Variants in PTPDC1 observed in about 807,000 individuals in gnomAD.
PTPDC1 encodes the protein protein tyrosine phosphatase domain containing 1.
A neutral mutation model predicts 75.3 loss-of-function variants in PTPDC1; 53 were observed. The ratio of observed to expected loss-of-function variants is 0.70; its 90% CI spans 0.56 to 0.88. PTPDC1 has a LOEUF of 0.88. PTPDC1 is among the 40% of genes least tolerant of loss of function. The pLI is 0.00. For synonymous variants in PTPDC1, 349 were observed against 366.2 expected, an observed-to-expected ratio of 0.95 and a Z score of 0.54; for missense variants, 925 against 998.6, an observed-to-expected ratio of 0.93 and a Z score of 0.99.
intron 2 of PTPDC1, 21 bp from the exon 3 acceptor site, chr9:94,087,810 A>G (rs761688197): frequency 6.3e-7 from 1 of 1,584,922 alleles, no homozygotes. Flanking sequence ...ACATCTCACC[A>G]GTCCCTCCAC....
At position 94,084,579 on chromosome 9, in the gene PTPDC1, A is replaced by G. The variant is rs1404458254; in HGVS notation, c.49A>G (p.Ser17Gly). The G allele has an allele frequency of 5.6e-6, 9 of 1,613,564 alleles. No homozygotes were observed. In the East Asian group the frequency reaches 1.8e-4, roughly 32 times the overall value. The change falls in exon 1 of 9, where the codon AGC (serine) becomes GGC (glycine). Residue 17 changes from serine (S) to glycine (G), a missense_variant. Coordinates refer to ENST00000620992, the MANE Select transcript of PTPDC1 (RefSeq NM_001253829.2). ...GCGGCCCTCAGCCGTGCGCTTCCTC[A>G]GCTCCTTTCTCCAGGGCCGCCGGCA... ...TRRPSAVRFL[S>G]SFLQGRRHST...
chr9:94,096,204 G>A (rs997077811), intron 5 of PTPDC1, among the ~76,000 whole-genome samples: 1 of 152,178 alleles, frequency 6.6e-6, no homozygotes, highest in African/African-American at 2.4e-5. Flanking sequence ...AGCTCTGTCC[G>A]CAGTGTACCT....
chr9:94,084,384 T>TG, upstream of PTPDC1: 1 of 1,330,272 alleles, frequency 7.5e-7, no homozygotes, highest in Non-Finnish European at 1.0e-6. Flanking sequence ...AGTAGTTTCT[T>TG]TGTTTGTCGC....
chr9:94,040,134 C>A (rs1453192540), intron 1 of PTPDC1, among the ~76,000 whole-genome samples: 2 of 152,146 alleles, frequency 1.3e-5, no homozygotes, highest in African/African-American at 4.8e-5. Context: ...AAGGAGACTT[C>A]TTTACCATGC....
At chr9:94,100,186 G>C (rs536000967) in intron 6 of PTPDC1, 1 of 152,282 alleles carries the variant, frequency 6.6e-6, no homozygotes, top group South Asian at 2.1e-4. Context: ...GAAGGTTAGA[G>C]GGTAAGTGAC....
At chr9:94,052,731 T>G (rs1005199694) in intron 1 of PTPDC1, among the ~76,000 whole-genome samples, 1 of 152,218 alleles carries the variant, frequency 6.6e-6, no homozygotes. Context: ...TTTTCAGTTG[T>G]TCCAGCACAG....
chr9:94,033,672 TAA>T, intron 1 of PTPDC1, among the ~76,000 whole-genome samples: 1 of 152,238 alleles, frequency 6.6e-6, no homozygotes, highest in Non-Finnish European at 1.5e-5. Context: ...TATTTTCTAT[TAA>T]TATTAGTTTT....
Position 94,085,332 on chromosome 9 carries a change from C to A in PTPDC1, c.326C>A (p.Ser109Tyr). 6.2e-7 allele frequency: 1 copy of A among 1,614,186 alleles called. No individual in the cohort carries two copies. The highest frequency in any genetic ancestry group is 2.2e-5 in the East Asian group (1 of 44,882). The change falls in exon 2 of 9, where the codon TCC (serine) becomes TAC (tyrosine). Residue 109 changes from serine to tyrosine, a missense_variant. Ser to Tyr is a moderately radical substitution (Grantham distance 144). Transcript: ENST00000620992. ...RHVIPGHMAC[S>Y]MACGGRACKY... is the part of the protein sequence containing the mutation. ...GTCATTCCTGGACACATGGCATGTT[C>A]CATGGCGTGTGGCGGTAGAGCTTGC...
chr9:94,057,736 CAT>C (rs1410199636), intron 1 of PTPDC1, among the ~76,000 whole-genome samples: 1 of 152,130 alleles, frequency 6.6e-6, no homozygotes, highest in African/African-American at 2.4e-5. Flanking sequence ...TATAGTTTAA[CAT>C]ATTTGAAATA....
intron 1 of PTPDC1, among the ~76,000 whole-genome samples, chr9:94,063,363 A>G (rs1826202841): frequency 6.6e-6 from 1 of 152,244 alleles, no homozygotes; most frequent in Admixed American, 6.5e-5. Flanking sequence ...ATATCCTTTC[A>G]AATTAAGTTT....
At chr9:94,088,892 A>G (rs1426102873) in intron 4 of PTPDC1, among the ~76,000 whole-genome samples, 1 of 152,154 alleles carries the variant, frequency 6.6e-6, no homozygotes, top group Non-Finnish European at 1.5e-5. Context: ...TAAGCTATTT[A>G]TCAGTCATTT....
At chr9:94,040,282 A>G (rs1045320587) in intron 1 of PTPDC1, among the ~76,000 whole-genome samples, 2 of 152,222 alleles carry the variant, frequency 1.3e-5, no homozygotes, top group African/African-American at 4.8e-5. Context: ...GCCTAGTCCA[A>G]GTACTCAGTC....
chr9:94,079,443 A>G (rs954111458), intron 2 of PTPDC1, among the ~76,000 whole-genome samples: 6 of 152,196 alleles, frequency 3.9e-5, no homozygotes, highest in Admixed American at 3.3e-4. Context: ...CTGTTGCCCT[A>G]CAATCTGATC....
At chr9:94,104,427 A>G (rs1457880960) in intron 8 of PTPDC1, 42 bp downstream of exon 8, 3 of 1,308,870 alleles carry the variant, frequency 2.3e-6, no homozygotes, top group African/African-American at 2.9e-5. Flanking sequence ...ACCACAGATC[A>G]GCATCATCTT....
chr9:94,080,293 C>T (rs1431773267), upstream of PTPDC1, among the ~76,000 whole-genome samples: 1 of 152,104 alleles, frequency 6.6e-6, no homozygotes, highest in Non-Finnish European at 1.5e-5. Context: ...GCCCAGGCTT[C>T]TCACAGAGTT....
At chr9:94,066,682 T>C (rs954570341) in intron 2 of PTPDC1, among the ~76,000 whole-genome samples, 2 of 151,974 alleles carry the variant, frequency 1.3e-5, no homozygotes, top group African/African-American at 4.8e-5. Context: ...CTCAGCCTCC[T>C]GAGTAGCTGG....
intron 1 of PTPDC1, among the ~76,000 whole-genome samples, chr9:94,040,984 A>G (rs933585764): frequency 3.3e-5 from 5 of 152,234 alleles, no homozygotes; most frequent in Non-Finnish European, 7.3e-5. Flanking sequence ...TCCATTGAAC[A>G]TTATTATTGG....
In PTPDC1 at chr9:94,097,930, C is replaced by T; in HGVS notation, c.1364C>T (p.Ala455Val). 1.2e-6 allele frequency: 2 copies of T among 1,614,162 alleles called. No individual in the cohort carries two copies. The highest frequency in any genetic ancestry group is 8.5e-7 in the Non-Finnish European group (1 of 1,180,038). Reference sequence around the variant, plus strand: ...TACAGTGACTCAGATTTAAAGAGGGCCGAGAACCTCCTGGAGCAAGGGGAG... The same window carrying T: ...TACAGTGACTCAGATTTAAAGAGGGTCGAGAACCTCCTGGAGCAAGGGGAG... ...LSYSDSDLKR[A>V]ENLLEQGETP... Residue 455 changes from alanine (A) to valine (V), a missense_variant, in exon 6 of 9, where the codon GCC (alanine) becomes GTC (valine). Physicochemically the swap from Ala to Val is moderately conservative, Grantham distance 64. Coordinates refer to ENST00000620992, the MANE Select transcript of PTPDC1 (RefSeq NM_001253829.2).
chr9:94,047,452 A>G (rs938004667), intron 1 of PTPDC1, among the ~76,000 whole-genome samples: 6 of 152,214 alleles, frequency 3.9e-5, no homozygotes, highest in African/African-American at 1.4e-4. Context: ...CTAAATGCCC[A>G]CAAGAGAAAG....
Sources: allele counts gnomAD v4.1 joint callset (sites outside exome capture counted in the v4.1 genomes callset), GRCh38; gene constraint gnomAD v4.1.1; transcripts MANE v1.5; gene names NCBI Gene and HGNC (gene_info 2026-07-23, HGNC 2026-07-21).